The following PITPNC1 variants were observed in gnomAD, a reference collection of about 807,000 sequenced individuals.
The protein encoded by PITPNC1 is phosphatidylinositol transfer protein cytoplasmic 1.
In PITPNC1, 18 loss-of-function variants were observed where a neutral mutation model predicts 44.7. The ratio of observed to expected loss-of-function variants is 0.40; its 90% CI spans 0.28 to 0.60. PITPNC1 has a LOEUF of 0.60. PITPNC1 is among the 20% of genes least tolerant of loss of function. PITPNC1 has a pLI of 0.39. For missense variants in PITPNC1, 290 were observed against 418.4 expected (o/e 0.69, Z 2.68); for synonymous variants, 141 against 149.6 (o/e 0.94, Z 0.42).
chr17:67,398,510 G>T lies in PITPNC1; in HGVS notation c.48+20308G>T, dbSNP rs865917812. Among the ~76,000 whole-genome samples the T allele has an allele frequency of 9.2e-3, 1,403 of 151,732 alleles. 21 individuals carry two copies. The highest frequency in any genetic ancestry group is 0.031 in the African/African-American group (1,298 of 41,284). Reference sequence around the variant, plus strand: ...CATTGGTTGTGCGACGTGCAGTTGGGTGTTGTGGAGAAGAATTGGGCCCTT... The same window carrying T: ...CATTGGTTGTGCGACGTGCAGTTGGTTGTTGTGGAGAAGAATTGGGCCCTT... On this transcript the variant is annotated intron_variant, in intron 1 of 8. Transcript: ENST00000581322.
intron 6 of PITPNC1, among the ~76,000 whole-genome samples, chr17:67,661,475 A>T (rs554402473): frequency 9.9e-5 from 15 of 152,080 alleles, no homozygotes; most frequent in Non-Finnish European, 1.8e-4. Flanking sequence ...CCCCAGGCCC[A>T]CTGTCTTCCT....
chr17:67,628,953 G>A (rs958577360), intron 5 of PITPNC1, among the ~76,000 whole-genome samples: 11 of 152,174 alleles, frequency 7.2e-5, no homozygotes, highest in Non-Finnish European at 1.5e-4. Flanking sequence ...GAGGCTCACT[G>A]TAAAGGAGAA....
intron 1 of PITPNC1, among the ~76,000 whole-genome samples, chr17:67,513,357 C>CTATATCTATATCTATATCTA (rs201499872): frequency 1.0e-2 from 75 of 7,512 alleles, no homozygotes; most frequent in African/African-American, 0.015. Flanking sequence ...GAGTCTGTAT[C>CTATATCTATATCTATATCTA]TATATCTATA....
chr17:67,387,898 A>G (rs561290927), intron 1 of PITPNC1, among the ~76,000 whole-genome samples: 3 of 152,306 alleles, frequency 2.0e-5, no homozygotes, highest in African/African-American at 7.2e-5. Flanking sequence ...CTTTGAAATC[A>G]GGTGTGTATT....
At chr17:67,590,726 G>A (rs904053890) in intron 5 of PITPNC1, among the ~76,000 whole-genome samples, 2 of 152,178 alleles carry the variant, frequency 1.3e-5, no homozygotes, top group African/African-American at 4.8e-5. Flanking sequence ...ACTTTAGCAG[G>A]CCGAGGTGGG....
At chr17:67,519,060 T>C (rs1283215659) in intron 1 of PITPNC1, among the ~76,000 whole-genome samples, 1 of 152,102 alleles carries the variant, frequency 6.6e-6, no homozygotes, top group Non-Finnish European at 1.5e-5. Flanking sequence ...ACTCAAAAAG[T>C]TCAACATAGA....
chr17:67,657,203 C>T (rs2042281310), intron 6 of PITPNC1, among the ~76,000 whole-genome samples: 1 of 148,740 alleles, frequency 6.7e-6, no homozygotes, highest in South Asian at 2.3e-4. Context: ...TTTGGCTCAT[C>T]TTCATTCAAA....
At chr17:67,603,195 C>T (rs2144277248) in intron 5 of PITPNC1, among the ~76,000 whole-genome samples, 1 of 152,312 alleles carries the variant, frequency 6.6e-6, no homozygotes, top group Admixed American at 6.5e-5. Flanking sequence ...CATCTAATGG[C>T]CTTTTTGCAA....
At chr17:67,648,554 G>A (rs2042176467) in intron 6 of PITPNC1, among the ~76,000 whole-genome samples, 1 of 152,180 alleles carries the variant, frequency 6.6e-6, no homozygotes, top group Non-Finnish European at 1.5e-5. Context: ...AACGGAACAG[G>A]TTAGTGTTCT....
At chr17:67,605,802 C>CT (rs2041600728) in intron 5 of PITPNC1, among the ~76,000 whole-genome samples, 1 of 152,184 alleles carries the variant, frequency 6.6e-6, no homozygotes, top group South Asian at 2.1e-4. Context: ...TGTGGAGCTC[C>CT]TTTTAAGTCC....
chr17:67,562,659 G>A (rs755061569), intron 4 of PITPNC1, among the ~76,000 whole-genome samples: 20 of 149,498 alleles, frequency 1.3e-4, no homozygotes, highest in East Asian at 3.9e-4. Context: ...AAAGTCATAC[G>A]TAACCCTCAC....
Position 67,532,860 on chromosome 17 carries a change from G to C in PITPNC1, c.107G>C (p.Gly36Ala). 6.3e-7 allele frequency: 1 copy of C among 1,599,320 alleles called. No individual in the cohort carries two copies. The highest frequency in any genetic ancestry group is 1.1e-5 in the South Asian group (1 of 87,834). ...CACAGCCATGAACAGAGTGACCGGG[G>C]AGAAGGGGTGGAGGTCGTCCAGAAT... ...SKHSHEQSDR[G>A]EGVEVVQNEP... The change falls in exon 2 of 9, where the codon GGA becomes GCA. Residue 36 changes from glycine (G) to alanine (A), a missense_variant. Coordinates refer to ENST00000581322, the MANE Select transcript of PITPNC1 (RefSeq NM_012417.4).
At chr17:67,467,226 G>A (rs564931843) in intron 1 of PITPNC1, among the ~76,000 whole-genome samples, 1 of 151,848 alleles carries the variant, frequency 6.6e-6, no homozygotes, top group South Asian at 2.1e-4. Flanking sequence ...TTGTGTGTGT[G>A]TGTTTTTAGT....
chr17:67,603,237 C>T (rs2041564901), intron 5 of PITPNC1, among the ~76,000 whole-genome samples: 1 of 152,138 alleles, frequency 6.6e-6, no homozygotes, highest in South Asian at 2.1e-4. Flanking sequence ...CTCGCCTGTG[C>T]CCCTTTTCTC....
intron 1 of PITPNC1, among the ~76,000 whole-genome samples, chr17:67,469,447 C>T (rs1304349688): frequency 6.6e-6 from 1 of 152,188 alleles, no homozygotes; most frequent in East Asian, 1.9e-4. Context: ...CTGAATCAGC[C>T]TCTGTGTTTT....
intron 8 of PITPNC1, among the ~76,000 whole-genome samples, chr17:67,677,289 A>G (rs1316986632): frequency 6.6e-6 from 1 of 152,164 alleles, no homozygotes; most frequent in Non-Finnish European, 1.5e-5. Flanking sequence ...GCAAAAAGAG[A>G]GGTACCTGAA....
At chr17:67,564,725 G>A (rs894978456) in intron 4 of PITPNC1, among the ~76,000 whole-genome samples, 2 of 152,120 alleles carry the variant, frequency 1.3e-5, no homozygotes, top group Non-Finnish European at 2.9e-5. Context: ...GGAAAACCTT[G>A]TGACTTCCTG....
chr17:67,462,798 G>A (rs2039360827), intron 1 of PITPNC1, among the ~76,000 whole-genome samples: 1 of 150,592 alleles, frequency 6.6e-6, no homozygotes, highest in Non-Finnish European at 1.5e-5. Context: ...CGCCTCCTGG[G>A]TTCAAGCGAT....
At chr17:67,646,689 T>G (rs2042153693) in intron 6 of PITPNC1, among the ~76,000 whole-genome samples, 1 of 151,090 alleles carries the variant, frequency 6.6e-6, no homozygotes, top group African/African-American at 2.5e-5. Flanking sequence ...TTTGTGTGTG[T>G]GGGTGTGTGT....
Sources: gnomAD v4.1 joint callset for allele counts (sites outside exome capture counted in the v4.1 genomes callset) on GRCh38, gnomAD v4.1.1 for gene constraint, MANE v1.5 for transcripts, NCBI Gene and HGNC (gene_info 2026-07-23, HGNC 2026-07-21) for gene names.